Variants in PSMA5 observed in about 807,000 individuals in gnomAD.
PSMA5 encodes the protein proteasome subunit alpha type-5.
Under a neutral mutation model 34.5 loss-of-function variants are expected in PSMA5, and 3 were observed. The ratio of observed to expected loss-of-function variants is 0.09; its 90% CI spans 0.04 to 0.22. PSMA5 has a LOEUF of 0.22. PSMA5 is among the 10% of genes least tolerant of loss of function. The pLI is 1.00. For synonymous variants in PSMA5, 88 were observed against 95.8 expected (o/e 0.92, Z 0.47); for missense variants, 120 against 286.1 (o/e 0.42, Z 4.19).
In PSMA5 at chr1:109,407,285, C is replaced by A. The variant is rs551877044; in HGVS notation, c.648+2643G>T. The stretch of plus-strand genomic sequence containing the variant: ...TACAGGCATGAGCCACCACGCCTGG[C>A]CGGATATTTTCCTTTTCTTAGGGGA... On this transcript the variant is annotated intron_variant, in intron 8 of 8. Coordinates refer to ENST00000271308, the MANE Select transcript of PSMA5 (RefSeq NM_002790.4). 2.0e-5 allele frequency among the ~76,000 whole-genome samples: 3 copies of A among 152,264 alleles called. No individual in the cohort carries two copies. The South Asian group carries it at 6.2e-4, about 32-fold the overall frequency.
chr1:109,417,615 T>A (rs557552455), intron 2 of PSMA5, among the ~76,000 whole-genome samples: 3 of 152,194 alleles, frequency 2.0e-5, no homozygotes, highest in Non-Finnish European at 4.4e-5. Context: ...GCAGGAATAA[T>A]GTACTGAAAA....
intron 2 of PSMA5, among the ~76,000 whole-genome samples, chr1:109,415,830 C>T (rs1390063298): frequency 1.3e-5 from 2 of 152,322 alleles, no homozygotes; most frequent in African/African-American, 4.8e-5. Context: ...CTACCTTGGT[C>T]TGTCCCAAGA....
chr1:109,415,694 A>G (rs545725299), intron 2 of PSMA5, among the ~76,000 whole-genome samples: 135 of 152,318 alleles, frequency 8.9e-4, no homozygotes, highest in African/African-American at 3.1e-3. Context: ...CAAACACTGG[A>G]AAAATCCACT....
chr1:109,419,109 C>T (rs888897738), intron 2 of PSMA5, among the ~76,000 whole-genome samples: 4 of 152,078 alleles, frequency 2.6e-5, no homozygotes, highest in Admixed American at 6.6e-5. Flanking sequence ...GCCGAGATCA[C>T]GCCATTGCAC....
At chr1:109,423,221 C>T (rs897083391) in intron 1 of PSMA5, among the ~76,000 whole-genome samples, 2 of 152,088 alleles carry the variant, frequency 1.3e-5, no homozygotes, top group African/African-American at 4.8e-5. Context: ...GGCGGATCAC[C>T]TGAGGTCAGG....
At chr1:109,419,670 G>A (rs1056763198) in intron 2 of PSMA5, among the ~76,000 whole-genome samples, 3 of 151,492 alleles carry the variant, frequency 2.0e-5, no homozygotes, top group Non-Finnish European at 4.4e-5. Flanking sequence ...GTGGTGGCAC[G>A]CGCCTGTAAT....
At chr1:109,405,886 A>G (rs1653736211) in intron 8 of PSMA5, among the ~76,000 whole-genome samples, 1 of 152,216 alleles carries the variant, frequency 6.6e-6, no homozygotes, top group African/African-American at 2.4e-5. Context: ...TAGGGGAAAA[A>G]TGGGAACCTG....
chr1:109,413,164 T>C, intron 3 of PSMA5, 29 bp from the exon 4 acceptor site: 2 of 1,605,264 alleles, frequency 1.2e-6, no homozygotes, highest in Non-Finnish European at 1.7e-6. Flanking sequence ...AGTGACCCAG[T>C]GGCCAAATCC....
At chr1:109,414,379 C>T (rs1038172309) in intron 3 of PSMA5, among the ~76,000 whole-genome samples, 19 of 152,232 alleles carry the variant, frequency 1.2e-4, no homozygotes, top group Non-Finnish European at 2.4e-4. Flanking sequence ...TAAGAACACA[C>T]TAGTCTTTCT....
At chr1:109,418,343 G>A (rs967783635) in intron 2 of PSMA5, among the ~76,000 whole-genome samples, 4 of 152,050 alleles carry the variant, frequency 2.6e-5, no homozygotes, top group Non-Finnish European at 5.9e-5. Flanking sequence ...TTTAGACAGG[G>A]TCTCACTCTG....
chr1:109,424,029 G>A (rs1488151121), intron 1 of PSMA5, among the ~76,000 whole-genome samples: 1 of 152,130 alleles, frequency 6.6e-6, no homozygotes, highest in East Asian at 1.9e-4. Context: ...AGTCAGACTG[G>A]ACTTTTCCCA....
chr1:109,425,344 C>T (rs905398791), intron 1 of PSMA5: 2 of 152,196 alleles, frequency 1.3e-5, no homozygotes, highest in Admixed American at 6.5e-5. Flanking sequence ...AAAATTATGT[C>T]ACCCGAAGAT....
chr1:109,413,629 C>G (rs925596160), intron 3 of PSMA5, among the ~76,000 whole-genome samples: 3 of 152,200 alleles, frequency 2.0e-5, no homozygotes, highest in Non-Finnish European at 4.4e-5. Context: ...CCCAAGCTGT[C>G]ACGATTATGG....
intron 2 of PSMA5, among the ~76,000 whole-genome samples, chr1:109,418,354 T>C (rs1423772945): frequency 6.6e-6 from 1 of 152,198 alleles, no homozygotes; most frequent in Non-Finnish European, 1.5e-5. Flanking sequence ...TCTCACTCTG[T>C]TGCCCACGAT....
At chr1:109,414,253 T>C (rs1654110939) in intron 3 of PSMA5, among the ~76,000 whole-genome samples, 1 of 152,214 alleles carries the variant, frequency 6.6e-6, no homozygotes, top group African/African-American at 2.4e-5. Context: ...TGTGTACACT[T>C]CCTTATCTTT....
intron 2 of PSMA5, 122 bp downstream of exon 2, chr1:109,421,738 G>T (rs964204632): frequency 9.2e-6 from 7 of 760,928 alleles, no homozygotes; most frequent in Non-Finnish European, 1.5e-5. Flanking sequence ...AACAGTGGTT[G>T]CTTAAAGGGA....
chr1:109,421,771 A>G (rs1654455162), intron 2 of PSMA5, 89 bp downstream of exon 2: 4 of 1,046,098 alleles, frequency 3.8e-6, no homozygotes, highest in Non-Finnish European at 4.2e-6. Context: ...TTCTAAAGGA[A>G]TGGTTAAACC....
intron 1 of PSMA5, chr1:109,425,422 T>C (rs1441827156): frequency 6.6e-6 from 1 of 152,044 alleles, no homozygotes; most frequent in Non-Finnish European, 1.5e-5. Flanking sequence ...AGTGGGGAAA[T>C]ATGTCAAAAC....
At chr1:109,421,064 T>G (rs1338992758) in intron 2 of PSMA5, among the ~76,000 whole-genome samples, 1 of 150,054 alleles carries the variant, frequency 6.7e-6, no homozygotes, top group Admixed American at 6.6e-5. Flanking sequence ...TGCACACATC[T>G]GTACCCTAGC....
Sources: allele counts gnomAD v4.1 joint callset (sites outside exome capture counted in the v4.1 genomes callset), GRCh38; gene constraint gnomAD v4.1.1; transcripts MANE v1.5; gene names NCBI Gene and HGNC (gene_info 2026-07-23, HGNC 2026-07-21).